TOPAZ1: variants seen among roughly 807,000 people sequenced by gnomAD.
TOPAZ1 encodes the protein protein TOPAZ1.
TOPAZ1 carries 66 observed loss-of-function variants against 172.2 expected under a neutral mutation model. That is an observed-to-expected ratio of 0.38 (90% confidence interval 0.31 to 0.47). The LOEUF (loss-of-function observed/expected upper bound fraction) is 0.47, where lower values mean the gene tolerates loss of function less well. Among genes scored for constraint, TOPAZ1 ranks in the 20% least tolerant of loss-of-function variants. The pLI is 0.99. For synonymous variants in TOPAZ1, 681 were observed against 683.9 expected (o/e 1.00, Z 0.07); for missense variants, 1,822 against 1,972.4 (o/e 0.92, Z 1.44).
intron 12 of TOPAZ1, among the ~76,000 whole-genome samples, chr3:44,292,871 A>G (rs1700153262): frequency 6.6e-6 from 1 of 152,188 alleles, no homozygotes; most frequent in South Asian, 2.1e-4. Flanking sequence ...TTGTGCTTTC[A>G]AACACAAGCA....
At chr3:44,293,554 T>G (rs1421904538) in intron 12 of TOPAZ1, among the ~76,000 whole-genome samples, 1 of 152,082 alleles carries the variant, frequency 6.6e-6, no homozygotes, top group Non-Finnish European at 1.5e-5. Context: ...AAAATAAAAA[T>G]TTTCAAAAAT....
Position 44,243,190 on chromosome 3 carries a change from T to C in TOPAZ1, c.684T>C (p.Asp228=). The C allele has an allele frequency of 8.4e-6, 13 of 1,548,678 alleles. No homozygotes were observed. The highest frequency in any genetic ancestry group is 1.1e-5 in the Non-Finnish European group (13 of 1,146,072). Residue 228 remains aspartate, a synonymous_variant, in exon 2 of 20, where the codon GAT becomes GAC. Transcript: ENST00000309765. ...ATAATTCCGTTTTAAAATTACGTGA[T>C]TGCAATTGTTTCCCCCATTCCAAGG... The part of the protein sequence containing the change: ...VENNSVLKLR[D]CNCFPHSKGC...
Position 44,244,646 on chromosome 3 carries a change from CCT to C in TOPAZ1, c.2143_2144del (p.Leu715ArgfsTer17). The C allele has an allele frequency of 6.4e-7, 1 of 1,551,334 alleles. No homozygotes were observed. Among genetic ancestry groups the C allele is most frequent in the Non-Finnish European group, 8.7e-7 (1 of 1,146,936 alleles). On this transcript the variant is annotated frameshift_variant, in exon 2 of 20. Transcript: ENST00000309765. LOFTEE classifies it high-confidence loss of function. ...GTCATCAGAGAGAGAAGCTTACAGTCCTCTAGAACTTCTGGACAATTTATCTG... is the reference window on the plus strand; with the variant it reads ...GTCATCAGAGAGAGAAGCTTACAGTCCTAGAACTTCTGGACAATTTATCTG... ...AKSSEREAYS[P>X]LELLDNLSGA...
At chr3:44,331,336 T>G (rs1439489198) in intron 19 of TOPAZ1, among the ~76,000 whole-genome samples, 2 of 3,670 alleles carry the variant, frequency 5.4e-4, no homozygotes, top group Non-Finnish European at 8.4e-4. Flanking sequence ...TAATATGTCT[T>G]TTTTTTTTGG....
At chr3:44,296,778 G>T (rs942637249) in intron 12 of TOPAZ1, among the ~76,000 whole-genome samples, 4 of 145,642 alleles carry the variant, frequency 2.7e-5, no homozygotes, top group African/African-American at 1.0e-4. Flanking sequence ...CAGAAAACAT[G>T]AGGGAACATT....
intron 8 of TOPAZ1, among the ~76,000 whole-genome samples, chr3:44,271,538 G>T (rs1428712577): frequency 6.6e-6 from 1 of 152,016 alleles, no homozygotes; most frequent in Non-Finnish European, 1.5e-5. Flanking sequence ...TTGTATGTGT[G>T]TATGTATATC....
downstream of TOPAZ1, among the ~76,000 whole-genome samples, chr3:44,335,573 A>G (rs1259644304): frequency 2.0e-5 from 3 of 152,188 alleles, no homozygotes; most frequent in Non-Finnish European, 4.4e-5. Context: ...GCAGTGATCC[A>G]AGGTCATGCC....
At chr3:44,298,925 T>A (rs1314973925) in intron 12 of TOPAZ1, among the ~76,000 whole-genome samples, 48 of 49,844 alleles carry the variant, frequency 9.6e-4, no homozygotes, top group African/African-American at 2.9e-3. Context: ...TTTTTTTTTT[T>A]TTTTTTTTTC....
At chr3:44,255,704 CACACACACACACACACATAT>C (rs1559527034) in intron 3 of TOPAZ1, among the ~76,000 whole-genome samples, 4 of 117,304 alleles carry the variant, frequency 3.4e-5, no homozygotes, top group East Asian at 2.5e-4. Context: ...CACACACACA[CACACACACACACACACATAT>C]ATATATGGTT....
chr3:44,269,471 C>CTT lies in TOPAZ1; in HGVS notation c.3246+200_3246+201dup, dbSNP rs71085612. Among the ~76,000 whole-genome samples the CTT allele has an allele frequency of 1.4e-3, 49 of 33,938 alleles. 1 individual carries two copies. The highest frequency in any genetic ancestry group is 1.8e-3 in the African/African-American group (11 of 6,124). 22.3% of individuals were successfully genotyped at this position (33,938 alleles called of 152,430 possible). A position where few individuals can be genotyped will look rare whatever the true frequency, so the allele number is the denominator to read the frequency against. On this transcript the variant is annotated intron_variant, in intron 7 of 19. Transcript: ENST00000309765. ...CCTTTTGATTGTATTTCCCTATCAT[C>CTT]TTTTTTTTTTTTTTTTTTTTTTTTT... is the stretch of plus-strand genomic sequence containing the variant.
At chr3:44,258,689 C>T (rs1372837881) in intron 4 of TOPAZ1, among the ~76,000 whole-genome samples, 1 of 151,988 alleles carries the variant, frequency 6.6e-6, no homozygotes, top group Non-Finnish European at 1.5e-5. Context: ...TATAAGTGTA[C>T]CATAGTTTGT....
chr3:44,325,578 G>T (rs908774318), intron 18 of TOPAZ1, among the ~76,000 whole-genome samples: 3 of 151,494 alleles, frequency 2.0e-5, no homozygotes, highest in Non-Finnish European at 4.4e-5. Context: ...CTGTCTCCAT[G>T]AATTTGCCCA....
intron 12 of TOPAZ1, among the ~76,000 whole-genome samples, chr3:44,300,017 G>GGGT (rs1212363124): frequency 2.7e-5 from 4 of 150,680 alleles, no homozygotes; most frequent in Admixed American, 6.6e-5. Flanking sequence ...ATGAGTTAAT[G>GGGT]GGTGCAGCAC....
Position 44,262,476 on chromosome 3 carries a change from T to A in TOPAZ1, c.3013T>A (p.Cys1005Ser), listed in dbSNP as rs1699785903. 2.8e-6 allele frequency: 4 copies of A among 1,446,900 alleles called. No homozygotes were observed. The highest frequency in any genetic ancestry group is 3.8e-6 in the Non-Finnish European group (4 of 1,057,802). 89.6% of individuals were successfully genotyped at this position (1,446,900 alleles called of 1,614,324 possible). A position where few individuals can be genotyped will look rare whatever the true frequency, so the allele number is the denominator to read the frequency against. Reference sequence around the variant, plus strand: ...AGAAAAAGAAAATATTTATGAAGTTTGCAAAAGGTCTGTAACATAATTCTT... The same window carrying A: ...AGAAAAAGAAAATATTTATGAAGTTAGCAAAAGGTCTGTAACATAATTCTT... ...KEEKENIYEV[C>S]KSKDSRNADF... The change falls in exon 5 of 20, where the codon TGC (cysteine) becomes AGC (serine). Residue 1005 changes from cysteine to serine, a missense_variant. By Grantham distance (112) the Cys-to-Ser change is moderately radical. Around this residue, in one of 2 missense-constraint regions of TOPAZ1, gnomAD observed 1,489 missense variants for 1,490.8 expected, o/e 1.00. Transcript: ENST00000309765.
chr3:44,315,109 A>G (rs939024884), intron 16 of TOPAZ1, among the ~76,000 whole-genome samples: 10 of 149,418 alleles, frequency 6.7e-5, no homozygotes, highest in African/African-American at 1.0e-4. Context: ...GTTGAGGTGG[A>G]TGGATGGATG....
intron 5 of TOPAZ1, among the ~76,000 whole-genome samples, chr3:44,264,988 A>AATT (rs1699814458): frequency 6.6e-6 from 1 of 152,196 alleles, no homozygotes; most frequent in Non-Finnish European, 1.5e-5. Flanking sequence ...TAAAGTGTTT[A>AATT]ACCCCTGAAA....
At chr3:44,294,614 A>G (rs889395342) in intron 12 of TOPAZ1, among the ~76,000 whole-genome samples, 1 of 151,696 alleles carries the variant, frequency 6.6e-6, no homozygotes, top group Non-Finnish European at 1.5e-5. Context: ...AAATTCTCCT[A>G]CCTTAGCTTC....
At chr3:44,328,871 T>A (rs1237954696) in intron 19 of TOPAZ1, among the ~76,000 whole-genome samples, 1 of 152,228 alleles carries the variant, frequency 6.6e-6, no homozygotes, top group Admixed American at 6.5e-5. Flanking sequence ...CTATATTTTA[T>A]AATGCTATAT....
rs139725422 is a variant in TOPAZ1 at position 44,272,052 on chromosome 3, A to C, written c.3372+1242A>C. Among the ~76,000 whole-genome samples the C allele has an allele frequency of 1.4e-4, 22 of 152,184 alleles. No individual in the cohort carries two copies. The East Asian group carries it at 4.2e-3, about 29-fold the overall frequency. On this transcript the variant is annotated intron_variant, in intron 8 of 19. Transcript: ENST00000309765. ...TTTCAGTTAGCATGTTCTCCAGTCT[A>C]TCTGTGTTATGGTGACAAAACTTCT...
Sources: gnomAD v4.1 joint callset for allele counts (sites outside exome capture counted in the v4.1 genomes callset) on GRCh38, gnomAD v4.1.1 for gene constraint, gnomAD v4.1.1 regional missense constraint, MANE v1.5 for transcripts, NCBI Gene and HGNC (gene_info 2026-07-23, HGNC 2026-07-21) for gene names.